The following ZNF490 variants were observed in gnomAD, a reference collection of about 807,000 sequenced individuals.
The protein encoded by ZNF490 is zinc finger protein 490.
In ZNF490, 11 loss-of-function variants were observed where a neutral mutation model predicts 17.7. The ratio of observed to expected loss-of-function variants is 0.62; its 90% CI spans 0.39 to 1.03. The LOEUF (loss-of-function observed/expected upper bound fraction) is 1.03. Among genes scored for constraint, ZNF490 ranks in the 50% least tolerant of loss-of-function variants. ZNF490 has a pLI of 0.00. For synonymous variants in ZNF490, 222 were observed against 216.1 expected (o/e 1.03, Z -0.24); for missense variants, 542 against 643.4 (o/e 0.84, Z 1.71).
intron 1 of ZNF490, chr19:12,609,843 G>A: frequency 2.3e-6 from 1 of 428,040 alleles, no homozygotes; most frequent in South Asian, 1.7e-5. Flanking sequence ...GTTGGACAGA[G>A]AGGGGGGATG....
chr19:12,601,718 T>C (rs942033059), intron 2 of ZNF490, among the ~76,000 whole-genome samples: 2 of 152,010 alleles, frequency 1.3e-5, no homozygotes, highest in Non-Finnish European at 2.9e-5. Flanking sequence ...CTAGGCCAGG[T>C]GCGGTGGCAT....
At position 12,585,716 on chromosome 19, in the gene ZNF490, GTCTCGC is replaced by G. The variant is rs1186522619; in HGVS notation, c.163-2166_163-2161del. 4.3e-5 allele frequency among the ~76,000 whole-genome samples: 4 copies of G among 92,638 alleles called. 2 individuals are homozygous for G. Among genetic ancestry groups the G allele is most frequent in the Non-Finnish European group, 5.8e-5 (2 of 34,610 alleles). The allele number at this position is 92,638 out of a possible 152,430, so 60.8% of individuals were successfully genotyped here. Reference sequence around the variant, plus strand: ...AGTTTTGTTTTTATTTTGAGACCCAGTCTCGCTCTGTCACCCAGGCTGGAGTGCAGT... The same window carrying G: ...AGTTTTGTTTTTATTTTGAGACCCAGTCTGTCACCCAGGCTGGAGTGCAGT... On this transcript the variant is annotated intron_variant, in intron 2 of 4. Coordinates refer to ENST00000311437, the MANE Select transcript of ZNF490 (RefSeq NM_020714.3).
At chr19:12,603,718 G>C (rs1421691646) in intron 2 of ZNF490, among the ~76,000 whole-genome samples, 1 of 151,842 alleles carries the variant, frequency 6.6e-6, no homozygotes, top group African/African-American at 2.4e-5. Context: ...CTTGAACCCG[G>C]GGGTGGAGGC....
rs2145135721 is a variant in ZNF490 at position 12,578,411 on chromosome 19, TC to T, written c.*2073del. 1.0e-6 allele frequency: 1 copy of T among 985,448 alleles called. No individual in the cohort carries two copies. The highest frequency in any genetic ancestry group is 1.7e-5 in the African/African-American group (1 of 57,328). The allele number at this position is 985,448 out of a possible 1,614,324, so 61.0% of individuals were successfully genotyped here. On this transcript the variant is annotated 3_prime_UTR_variant, in exon 5 of 5. Transcript: ENST00000311437. ...ATGCTGTGTGGTCAAGGGGTGTGTG[TC>T]CCATGATACAGGCTCTGCTTCTTCA...
At chr19:12,583,734 G>A (rs956515244) in intron 2 of ZNF490, among the ~76,000 whole-genome samples, 178 bp from the exon 3 acceptor site, 16 of 138,876 alleles carry the variant, frequency 1.2e-4, no homozygotes, top group Non-Finnish European at 9.1e-5. Context: ...TAACACTATC[G>A]TGAACATACA....
rs747206114 is a variant in ZNF490, at chr19:12,580,955, A to G, written c.1120T>C (p.Ser374Pro). The G allele has an allele frequency of 4.3e-6, 7 of 1,614,056 alleles. No individual in the cohort carries two copies. The African/African-American group carries it at 9.3e-5, about 22-fold the overall frequency. The change falls in exon 5 of 5, where the codon TCT (serine) becomes CCT (proline). Residue 374 changes from serine (S) to proline (P), a missense_variant. Coordinates refer to ENST00000311437, the MANE Select transcript of ZNF490 (RefSeq NM_020714.3). Reference protein sequence around the residue: ...CKKCGEAFKSSSSCEVHERTH... With the variant: ...CKKCGEAFKSPSSCEVHERTH... ...CTTTCGTGCACTTCACAGGAACTAG[A>G]TGACTTGAAGGCTTCCCCACATTTC...
chr19:12,609,695 C>A (rs546179933), intron 1 of ZNF490, among the ~76,000 whole-genome samples: 3 of 152,258 alleles, frequency 2.0e-5, no homozygotes, highest in African/African-American at 7.2e-5. Flanking sequence ...ACGGATGGAA[C>A]TGGAGGCCAT....
rs1014965612 is a variant in ZNF490 at position 12,577,633 on chromosome 19, G to A, written c.*2852C>T. 1 of 985,464 alleles carries A rather than the reference G, an allele frequency of 1.0e-6. No homozygotes were observed. Among genetic ancestry groups the A allele is most frequent in the South Asian group, 4.7e-5 (1 of 21,290 alleles). The allele number at this position is 985,464 out of a possible 1,614,324, so 61.0% of individuals were successfully genotyped here. A position where few individuals can be genotyped will look rare whatever the true frequency, so the allele number is the denominator to read the frequency against. The stretch of plus-strand genomic sequence containing the variant: ...CGTCACTTCCACTGAGGCCTCATCT[G>A]CCAGCAAACCTTGCTCCAGTCGGCC... On this transcript the variant is annotated 3_prime_UTR_variant, in exon 5 of 5. Transcript: ENST00000311437.
intron 4 of ZNF490, 148 bp from the exon 5 acceptor site, chr19:12,581,872 A>G (rs1051457922): frequency 6.5e-5 from 44 of 682,152 alleles, no homozygotes; most frequent in Non-Finnish European, 9.8e-5. Flanking sequence ...AATATACTCA[A>G]TAGTCTAGAA....
In ZNF490 at chr19:12,580,827, T is replaced by C. The variant is rs553045052; in HGVS notation, c.1248A>G (p.Lys416=). 25 of 1,613,956 alleles carry C rather than the reference T, an allele frequency of 1.5e-5. No individual in the cohort carries two copies. Among genetic ancestry groups the C allele is most frequent in the Non-Finnish European group, 2.0e-5 (24 of 1,180,020 alleles). The change falls in exon 5 of 5, where the codon AAA becomes AAG. Residue 416 remains lysine (K), a synonymous_variant. Coordinates refer to ENST00000311437, the MANE Select transcript of ZNF490 (RefSeq NM_020714.3). ...QLHERVHTGE[K]TYECKECGKA... ...TACCACATTCTTTACATTCGTAAGT[T>C]TTCTCGCCAGTGTGAACTCTTTCGT...
intron 1 of ZNF490, among the ~76,000 whole-genome samples, chr19:12,609,417 G>GTC (rs140653564): frequency 2.2e-4 from 34 of 152,110 alleles, no homozygotes; most frequent in African/African-American, 7.2e-4. Flanking sequence ...TTTAGAGACA[G>GTC]TCTCTCTCTC....
At chr19:12,598,855 C>T (rs1419999846) in intron 2 of ZNF490, among the ~76,000 whole-genome samples, 99 of 151,644 alleles carry the variant, frequency 6.5e-4, no homozygotes, top group African/African-American at 2.1e-3. Context: ...GGCATGGTGG[C>T]GCGCACCTGT....
chr19:12,610,422 G>T, intron 1 of ZNF490, 142 bp downstream of exon 1: 1 of 716,666 alleles, frequency 1.4e-6, no homozygotes, highest in East Asian at 2.6e-5. Context: ...GGAAAAGAAA[G>T]GTGGACGCCT....
At chr19:12,584,079 G>A (rs12976659) in intron 2 of ZNF490, among the ~76,000 whole-genome samples, 11,895 of 51,674 alleles carry the variant, frequency 0.23, 1,972 homozygotes, top group Non-Finnish European at 0.37. Context: ...CAGAGTGCTG[G>A]GATTACAGGC....
In ZNF490 at chr19:12,578,587, G is replaced by A. The variant is rs183925252; in HGVS notation, c.*1898C>T. 3 of 985,502 alleles carry A rather than the reference G, an allele frequency of 3.0e-6. No homozygotes were observed. Among genetic ancestry groups the A allele is most frequent in the South Asian group, 4.7e-5 (1 of 21,288 alleles). 61.0% of individuals were successfully genotyped at this position (985,502 alleles called of 1,614,324 possible). A position where few individuals can be genotyped will look rare whatever the true frequency, so the allele number is the denominator to read the frequency against. ...GAATAATGCAATGCTGACAATGTCTGTGAATTAGGATGTGCATAGGCAGAT... is the reference window on the plus strand; with the variant it reads ...GAATAATGCAATGCTGACAATGTCTATGAATTAGGATGTGCATAGGCAGAT... On this transcript the variant is annotated 3_prime_UTR_variant, in exon 5 of 5. Transcript: ENST00000311437.
intron 2 of ZNF490, among the ~76,000 whole-genome samples, chr19:12,602,982 A>T (rs1299220705): frequency 6.6e-6 from 1 of 152,114 alleles, no homozygotes; most frequent in African/African-American, 2.4e-5. Flanking sequence ...GTGATTTCCC[A>T]GTTGACACAC....
intron 4 of ZNF490, 83 bp downstream of exon 4, chr19:12,582,767 T>A: frequency 8.5e-7 from 1 of 1,175,610 alleles, no homozygotes; most frequent in Non-Finnish European, 1.3e-6. Context: ...CTCTGCTTAT[T>A]GTTTTGCTTG....
At chr19:12,590,257 A>G (rs901429777) in intron 2 of ZNF490, among the ~76,000 whole-genome samples, 8 of 149,226 alleles carry the variant, frequency 5.4e-5, no homozygotes, top group African/African-American at 1.5e-4. Context: ...TCTGTTGCCC[A>G]GGCTGGAGTG....
intron 2 of ZNF490, among the ~76,000 whole-genome samples, chr19:12,586,615 A>C (rs550365521): frequency 1.1e-5 from 1 of 94,656 alleles, no homozygotes; most frequent in South Asian, 2.8e-4. Flanking sequence ...GTTTGAAGAG[A>C]GAGTGCAGGC....
Sources: allele counts gnomAD v4.1 joint callset (sites outside exome capture counted in the v4.1 genomes callset), GRCh38; gene constraint gnomAD v4.1.1; transcripts MANE v1.5; gene names NCBI Gene and HGNC (gene_info 2026-07-23, HGNC 2026-07-21).